PLXNA2: variants seen among roughly 807,000 people sequenced by gnomAD.
The protein encoded by PLXNA2 is plexin A2, also known as plexin-A2.
Under a neutral mutation model 193.5 loss-of-function variants are expected in PLXNA2, and 91 were observed. The observed-to-expected ratio is 0.47, with a 90% confidence interval of 0.40 to 0.56. The LOEUF is 0.56. Among genes scored for constraint, PLXNA2 ranks in the 20% least tolerant of loss-of-function variants. The pLI is 0.00. For missense variants in PLXNA2, 1,995 were observed against 2,503.2 expected, an observed-to-expected ratio of 0.80 and a Z score of 4.33; for synonymous variants, 997 against 1,027.3, an observed-to-expected ratio of 0.97 and a Z score of 0.56.
In PLXNA2 at chr1:208,079,361, C is replaced by T. The variant is rs772110767; in HGVS notation, c.2485G>A (p.Glu829Lys). 17 of 1,612,638 alleles carry T rather than the reference C, an allele frequency of 1.1e-5. No individual in the cohort carries two copies. In the East Asian group the frequency reaches 1.3e-4, roughly 13 times the overall value. Reference protein sequence around the residue: ...RKFECGWCSGERRCTLHQHCT... With the variant: ...RKFECGWCSGKRRCTLHQHCT... ...TGCTGGTGGAGGGTGCACCTGCGCT[C>T]GCCGCTGCACCAGCCACACTCAAAC... Residue 829 changes from glutamate to lysine, a missense_variant, in exon 12 of 32, where the codon GAG becomes AAG. Physicochemically the swap from Glu to Lys is moderately conservative, Grantham distance 56. Transcript: ENST00000367033.
chr1:208,037,751 C>T (rs1239026974), intron 26 of PLXNA2, among the ~76,000 whole-genome samples: 5 of 149,994 alleles, frequency 3.3e-5, no homozygotes, highest in Non-Finnish European at 7.4e-5. Context: ...TTTTTGACTG[C>T]TCATTCAATG....
At chr1:208,045,685 A>G (rs1665039220) in intron 18 of PLXNA2, among the ~76,000 whole-genome samples, 193 bp downstream of exon 18, 1 of 152,230 alleles carries the variant, frequency 6.6e-6, no homozygotes, top group Non-Finnish European at 1.5e-5. Context: ...ATTTCTTAAG[A>G]AGCCTGGGTG....
At chr1:208,196,421 G>A (rs770214443) in intron 3 of PLXNA2, among the ~76,000 whole-genome samples, 18 of 152,216 alleles carry the variant, frequency 1.2e-4, no homozygotes, top group Admixed American at 6.5e-4. Flanking sequence ...TTGCCTTTAA[G>A]CATGCACTTA....
chr1:208,074,153 G>T (rs1187543427), intron 12 of PLXNA2, among the ~76,000 whole-genome samples: 1 of 152,132 alleles, frequency 6.6e-6, no homozygotes, highest in East Asian at 1.9e-4. Context: ...TTCCTTTTCT[G>T]CTGGATCCTG....
At chr1:208,229,164 C>T (rs1343976502) in intron 1 of PLXNA2, among the ~76,000 whole-genome samples, 8 of 152,154 alleles carry the variant, frequency 5.3e-5, no homozygotes, top group African/African-American at 1.9e-4. Flanking sequence ...CTTTCCCTGC[C>T]TCTCTTTCTC....
chr1:208,141,621 T>C (rs1668458758), intron 4 of PLXNA2, among the ~76,000 whole-genome samples: 3 of 152,326 alleles, frequency 2.0e-5, no homozygotes, highest in Middle Eastern at 6.8e-3. Context: ...GCTAAGGTCT[T>C]TGCCTAGCTT....
chr1:208,117,499 G>A (rs1365396205), intron 4 of PLXNA2, among the ~76,000 whole-genome samples: 1 of 152,236 alleles, frequency 6.6e-6, no homozygotes, highest in Non-Finnish European at 1.5e-5. Context: ...CCCCCTGGAG[G>A]TGGTGCTGTG....
rs1664404490 is a variant in PLXNA2, at chr1:208,028,504, T to C, written c.5438+326A>G. 6.6e-6 allele frequency among the ~76,000 whole-genome samples: 1 copy of C among 152,210 alleles called. No individual in the cohort carries two copies. The highest frequency in any genetic ancestry group is 2.4e-5 in the African/African-American group (1 of 41,454). ...TTATTTACCCTCTCTGTACCTCAGT[T>C]TCCTTATCAGTAAAATGGGGATAAT... is the stretch of plus-strand genomic sequence containing the variant. On this transcript the variant is annotated intron_variant, in intron 30 of 31. Coordinates refer to ENST00000367033, the MANE Select transcript of PLXNA2 (RefSeq NM_025179.4). The surrounding 1 kb of genome is among the most constrained non-coding windows in gnomAD (Gnocchi z 4.2).
At chr1:208,205,826 C>T (rs948870456) in intron 3 of PLXNA2, among the ~76,000 whole-genome samples, 5 of 152,152 alleles carry the variant, frequency 3.3e-5, no homozygotes, top group Non-Finnish European at 7.3e-5. Flanking sequence ...GCTGTAACGC[C>T]TACCCAGTGG....
intron 13 of PLXNA2, among the ~76,000 whole-genome samples, chr1:208,060,425 A>C (rs1665577424): frequency 6.6e-6 from 1 of 152,160 alleles, no homozygotes; most frequent in South Asian, 2.1e-4. Flanking sequence ...ACTGGCGGGC[A>C]GGCAAAGACT....
chr1:208,041,500 C>T (rs1036695901), intron 22 of PLXNA2, among the ~76,000 whole-genome samples: 3 of 152,222 alleles, frequency 2.0e-5, no homozygotes, highest in Non-Finnish European at 4.4e-5. Context: ...GTCCAAATCC[C>T]TAGCTCAGTG....
chr1:208,026,855 G>GTT lies in PLXNA2; in HGVS notation c.*386_*387dup, dbSNP rs59073273. 8.7e-3 allele frequency: 1,352 copies of GTT among 154,630 alleles called. 20 individuals carry two copies. The highest frequency in any genetic ancestry group is 0.038 in the East Asian group (198 of 5,270). 9.6% of individuals were successfully genotyped at this position (154,630 alleles called of 1,614,324 possible). A position where few individuals can be genotyped will look rare whatever the true frequency, so the allele number is the denominator to read the frequency against. Reference sequence around the variant, plus strand: ...CAGGGCGGCTTTTTGTTTTATTTCTGTTTTTTTCCCTTTTTCTTAAAAAAA... The same window carrying GTT: ...CAGGGCGGCTTTTTGTTTTATTTCTGTTTTTTTTTCCCTTTTTCTTAAAAAAA... On this transcript the variant is annotated 3_prime_UTR_variant, in exon 32 of 32. Coordinates refer to ENST00000367033, the MANE Select transcript of PLXNA2 (RefSeq NM_025179.4).
At chr1:208,226,698 G>A (rs1447576955) in intron 1 of PLXNA2, among the ~76,000 whole-genome samples, 1 of 152,166 alleles carries the variant, frequency 6.6e-6, no homozygotes, top group Non-Finnish European at 1.5e-5. Flanking sequence ...TTATCTAAAG[G>A]TCGCCACCCG....
intron 26 of PLXNA2, 111 bp from the exon 27 acceptor site, chr1:208,034,703 G>A (rs1164554466): frequency 4.5e-6 from 3 of 670,836 alleles, no homozygotes; most frequent in Non-Finnish European, 2.7e-6. Context: ...TAGAGAGCAA[G>A]GAGTACAGGA....
intron 12 of PLXNA2, among the ~76,000 whole-genome samples, chr1:208,067,756 C>G (rs1665844825): frequency 6.6e-6 from 1 of 152,160 alleles, no homozygotes; most frequent in Non-Finnish European, 1.5e-5. Flanking sequence ...GATGTTCACA[C>G]AAGGATGAAA....
intron 4 of PLXNA2, among the ~76,000 whole-genome samples, chr1:208,123,573 T>G (rs1667870745): frequency 6.6e-6 from 1 of 152,210 alleles, no homozygotes. Flanking sequence ...TTAGATTTAA[T>G]GTTAAGAGAC....
chr1:208,081,661 A>G (rs1184878020), intron 11 of PLXNA2, among the ~76,000 whole-genome samples: 4 of 152,226 alleles, frequency 2.6e-5, no homozygotes, highest in East Asian at 3.8e-4. Context: ...CTAGAAAATG[A>G]GAATAATAAT....
chr1:208,096,900 G>A lies in PLXNA2; in HGVS notation c.1732-17C>T, dbSNP rs774895973. On this transcript the variant is annotated splice_polypyrimidine_tract_variant and intron_variant, in intron 6 of 31. Coordinates refer to ENST00000367033, the MANE Select transcript of PLXNA2 (RefSeq NM_025179.4). ...CAGGCTAAGCTGTGGGAGGAGCAAA[G>A]AGATGATGCCAAAGAAATGCCTCAG... 4 of 1,607,518 alleles carry A rather than the reference G, an allele frequency of 2.5e-6. No homozygotes were observed. The highest frequency in any genetic ancestry group is 1.1e-5 in the South Asian group (1 of 90,276).
rs1424234965 is a variant in PLXNA2 at position 208,033,432 on chromosome 1, C to T, written c.4942G>A (p.Gly1648Arg). 6.2e-7 allele frequency: 1 copy of T among 1,614,056 alleles called. No homozygotes were observed. The highest frequency in any genetic ancestry group is 1.3e-5 in the African/African-American group (1 of 74,930). Residue 1648 changes from glycine (G) to arginine (R), a missense_variant, in exon 28 of 32, where the codon GGG becomes AGG. By Grantham distance (125) the Gly-to-Arg change is moderately radical (BLOSUM62 -2). Coordinates refer to ENST00000367033, the MANE Select transcript of PLXNA2 (RefSeq NM_025179.4). ...APMITPDLES[G>R]VKVWHLVKNH... ...TTCACCAGATGCCACACCTTGACCC[C>T]ACTTTCCAGGTCTGGGGTGATCATC...
Sources: gnomAD v4.1 joint callset for allele counts (sites outside exome capture counted in the v4.1 genomes callset) on GRCh38, gnomAD v4.1.1 for gene constraint, Gnocchi (gnomAD v3.1) non-coding constraint, MANE v1.5 for transcripts, NCBI Gene and HGNC (gene_info 2026-07-23, HGNC 2026-07-21) for gene names.